Variants in PLXND1 observed in about 807,000 individuals in gnomAD.
The protein encoded by PLXND1 is plexin D1, also known as plexin-D1.
In PLXND1, 54 loss-of-function variants were observed where a neutral mutation model predicts 197.7. That is an observed-to-expected ratio of 0.27 (90% CI 0.22 to 0.34). The LOEUF is 0.34. Among genes scored for constraint, PLXND1 ranks in the 10% least tolerant of loss-of-function variants. The probability of loss-of-function intolerance (pLI) is 1.00; values close to 1 mark genes in which losing one functional copy is unlikely to be tolerated. For missense variants in PLXND1, 2,127 were observed against 2,699.2 expected (o/e 0.79, Z 4.70); for synonymous variants, 1,180 against 1,161.2 (o/e 1.02, Z -0.33).
chr3:129,605,608 C>T lies in PLXND1; in HGVS notation c.1032G>A (p.Gln344=). 1.3e-6 allele frequency: 2 copies of T among 1,536,154 alleles called. No homozygotes were observed. Among genetic ancestry groups the T allele is most frequent in the Non-Finnish European group, 1.7e-6 (2 of 1,145,132 alleles). Residue 344 remains glutamine, a synonymous_variant, in exon 1 of 36, where the codon CAG becomes CAA. Coordinates refer to ENST00000324093, the MANE Select transcript of PLXND1 (RefSeq NM_015103.3). ...LTESYIQLGL[Q]CAGGAGRGDL... Reference sequence around the variant, plus strand: ...CGCCGCGGCCCGCGCCGCCCGCGCACTGCAAGCCCAACTGGATGTAGGACT... The same window carrying T: ...CGCCGCGGCCCGCGCCGCCCGCGCATTGCAAGCCCAACTGGATGTAGGACT...
In PLXND1 at chr3:129,573,578, C is replaced by T. The variant is rs201182714; in HGVS notation, c.2837+16G>A. On this transcript the variant is annotated intron_variant, in intron 13 of 35. Coordinates refer to ENST00000324093, the MANE Select transcript of PLXND1 (RefSeq NM_015103.3). Reference sequence around the variant, plus strand: ...CACTGCTGGAGAAGGTAGGTGGGGGCACCGTGGCTACTCACTCCTCCGACA... The same window carrying T: ...CACTGCTGGAGAAGGTAGGTGGGGGTACCGTGGCTACTCACTCCTCCGACA... 2.7e-5 allele frequency: 43 copies of T among 1,608,458 alleles called. No individual in the cohort carries two copies. The East Asian group carries it at 8.5e-4, about 32-fold the overall frequency.
intron 8 of PLXND1, among the ~76,000 whole-genome samples, chr3:129,581,269 C>T (rs1269496749): frequency 6.6e-6 from 1 of 152,208 alleles, no homozygotes. Context: ...CCTGCACGCC[C>T]GGGGCAGAGC....
intron 21 of PLXND1, 39 bp downstream of exon 21, chr3:129,567,659 A>T (rs764195107): frequency 6.3e-7 from 1 of 1,575,896 alleles, no homozygotes; most frequent in Non-Finnish European, 8.7e-7. Context: ...CCTAGGAGGG[A>T]AAGTTGAGGC....
rs528344773 is a variant in PLXND1 at position 129,586,345 on chromosome 3, T to A, written c.1621-73A>T. 178 of 1,238,396 alleles carry A rather than the reference T, an allele frequency of 1.4e-4. 1 individual carries two copies. The highest frequency in any genetic ancestry group is 1.6e-4 in the Non-Finnish European group (138 of 883,456). The allele number at this position is 1,238,396 out of a possible 1,614,324, so 76.7% of individuals were successfully genotyped here. A position where few individuals can be genotyped will look rare whatever the true frequency, so the allele number is the denominator to read the frequency against. On this transcript the variant is annotated intron_variant, in intron 3 of 35. Coordinates refer to ENST00000324093, the MANE Select transcript of PLXND1 (RefSeq NM_015103.3). Reference sequence around the variant, plus strand: ...CCTTGGGGAGGTGGTACGGTCAGCATGGTGCGGGCCATGAGAGGCTGGGGA... The same window carrying A: ...CCTTGGGGAGGTGGTACGGTCAGCAAGGTGCGGGCCATGAGAGGCTGGGGA...
At position 129,572,625 on chromosome 3, in the gene PLXND1, G is replaced by C. The variant is rs773316907; in HGVS notation, c.3061C>G (p.Pro1021Ala). The change falls in exon 15 of 36, where the codon CCC becomes GCC. Residue 1021 changes from proline to alanine, a missense_variant. Transcript: ENST00000324093. ...ELQVLVNDTD[P>A]CTELMRTDTS... ...GAGGCTTACATCAGCTCCGTGCAGGGGTCTGTGTCGTTCACCAGGACCTGG... is the reference window on the plus strand; with the variant it reads ...GAGGCTTACATCAGCTCCGTGCAGGCGTCTGTGTCGTTCACCAGGACCTGG... 3 of 1,579,726 alleles carry C rather than the reference G, an allele frequency of 1.9e-6. No individual in the cohort carries two copies. Among genetic ancestry groups the C allele is most frequent in the Admixed American group, 1.8e-5 (1 of 56,364 alleles).
chr3:129,605,244 C>T, intron 1 of PLXND1, 85 bp downstream of exon 1: 1 of 572,042 alleles, frequency 1.7e-6, no homozygotes, highest in South Asian at 6.4e-5. Context: ...ACCCACTCAG[C>T]TCACGACCCG....
Position 129,574,386 on chromosome 3 carries a change from C to T in PLXND1, c.2635G>A (p.Gly879Arg), listed in dbSNP as rs769515971. 1.9e-6 allele frequency: 3 copies of T among 1,611,670 alleles called. No homozygotes were observed. The highest frequency in any genetic ancestry group is 1.7e-5 in the Admixed American group (1 of 59,900). The change falls in exon 12 of 36, where the codon GGG becomes AGG. Residue 879 changes from glycine to arginine, a missense_variant. Physicochemically the swap from Gly to Arg is moderately radical, Grantham distance 125 (BLOSUM62 -2). This residue lies in a region of PLXND1 where 1,095 missense variants were observed against 1,259.8 expected (regional missense o/e 0.87). Coordinates refer to ENST00000324093, the MANE Select transcript of PLXND1 (RefSeq NM_015103.3). ...CMWSDGCRLR[G>R]PLQPMAGTCP... ...GTGCCAGCCATGGGCTGCAGAGGCC[C>T]CCGCAGGCGGCAGCCATCACTCCAC...
At chr3:129,572,220 A>T (rs2085244886) in intron 15 of PLXND1, among the ~76,000 whole-genome samples, 1 of 152,238 alleles carries the variant, frequency 6.6e-6, no homozygotes, top group South Asian at 2.1e-4. Flanking sequence ...TGTCCCAGCA[A>T]TGCCCATTAG....
chr3:129,594,881 A>C (rs1295162258), intron 1 of PLXND1, among the ~76,000 whole-genome samples: 2 of 151,250 alleles, frequency 1.3e-5, no homozygotes, highest in African/African-American at 4.9e-5. Flanking sequence ...AAAAAAAAAA[A>C]CCCCGCAAAG....
rs369509884 is a variant in PLXND1 at position 129,556,442 on chromosome 3, C to T, written c.5662-14G>A. On this transcript the variant is annotated splice_polypyrimidine_tract_variant and intron_variant, in intron 35 of 35. Transcript: ENST00000324093. ...CGCGGCCATGATCTGAGGGGAGCAG[C>T]GGAGTCAGCCGGGCCATGGCCGGTA... The T allele has an allele frequency of 2.4e-5, 38 of 1,596,930 alleles. No homozygotes were observed. Among genetic ancestry groups the T allele is most frequent in the South Asian group, 2.0e-4 (18 of 90,690 alleles).
chr3:129,595,192 A>T (rs985208749), intron 1 of PLXND1, among the ~76,000 whole-genome samples: 14 of 152,326 alleles, frequency 9.2e-5, no homozygotes, highest in African/African-American at 3.1e-4. Flanking sequence ...CAGGGTATGA[A>T]GCCACACCTG....
rs2085229198 is a variant in PLXND1 at position 129,571,537 on chromosome 3, G to A, written c.3308C>T (p.Ala1103Val). ...GGGCTCCCGGCCAATGTGGTGGACGGCCATGGACACATTCTGCACCATGTG... is the reference window on the plus strand; with the variant it reads ...GGGCTCCCGGCCAATGTGGTGGACGACCATGGACACATTCTGCACCATGTG... ...RFHMVQNVSMAVHHIGREPTL... is the reference protein window; with the variant it reads ...RFHMVQNVSMVVHHIGREPTL... The change falls in exon 17 of 36, where the codon GCC (alanine) becomes GTC (valine). Residue 1103 changes from alanine (A) to valine (V), a missense_variant. Transcript: ENST00000324093. The A allele has an allele frequency of 6.2e-7, 1 of 1,613,552 alleles. No individual in the cohort carries two copies. The highest frequency in any genetic ancestry group is 1.7e-5 in the Admixed American group (1 of 60,008).
chr3:129,575,453 G>C lies in PLXND1; in HGVS notation c.2530+16C>G. Reference sequence around the variant, plus strand: ...CTGAGGCCCCGAGGCCATGTGGGGCGGGTGGGGGTGCCCACCTGTCATGGG... The same window carrying C: ...CTGAGGCCCCGAGGCCATGTGGGGCCGGTGGGGGTGCCCACCTGTCATGGG... On this transcript the variant is annotated intron_variant, in intron 11 of 35. Coordinates refer to ENST00000324093, the MANE Select transcript of PLXND1 (RefSeq NM_015103.3). 1 of 1,502,292 alleles carries C rather than the reference G, an allele frequency of 6.7e-7. No homozygotes were observed. The highest frequency in any genetic ancestry group is 9.1e-7 in the Non-Finnish European group (1 of 1,102,138). The allele number at this position is 1,502,292 out of a possible 1,614,324, so 93.1% of individuals were successfully genotyped here.
chr3:129,589,307 G>GCCGGGCCCCCCCCCCCC, intron 2 of PLXND1, 44 bp downstream of exon 2: 3 of 684,690 alleles, frequency 4.4e-6, no homozygotes, highest in Admixed American at 2.3e-5. Context: ...TCCCAGGGGA[G>GCCGGGCCCCCCCCCCCC]CCTCCCACCC....
At chr3:129,565,615 A>T in intron 24 of PLXND1, 77 bp from the exon 25 acceptor site, 2 of 1,293,796 alleles carry the variant, frequency 1.5e-6, no homozygotes, top group Middle Eastern at 2.1e-4. Flanking sequence ...GTGCCGCCTC[A>T]TCCCCGGGCC....
intron 1 of PLXND1, among the ~76,000 whole-genome samples, chr3:129,589,852 C>T (rs1272967484): frequency 1.3e-5 from 2 of 152,140 alleles, no homozygotes; most frequent in Non-Finnish European, 2.9e-5. Flanking sequence ...ACCCGCACCC[C>T]CTTGGGGCTG....
chr3:129,580,128 CA>C (rs935512033), intron 8 of PLXND1, among the ~76,000 whole-genome samples: 1 of 152,198 alleles, frequency 6.6e-6, no homozygotes, highest in Non-Finnish European at 1.5e-5. Flanking sequence ...AGTTTGCCTA[CA>C]GTGGAATGAG....
At chr3:129,592,927 C>T (rs749745790) in intron 1 of PLXND1, among the ~76,000 whole-genome samples, 1 of 152,118 alleles carries the variant, frequency 6.6e-6, no homozygotes, top group Non-Finnish European at 1.5e-5. Flanking sequence ...GGGGACTAGA[C>T]GTCCTGAGCA....
rs996663216 is a variant in PLXND1 at position 129,558,996 on chromosome 3, G to A, written c.5298-421C>T. Among the ~76,000 whole-genome samples, 2 of 152,172 alleles carry A rather than the reference G, an allele frequency of 1.3e-5. No individual in the cohort carries two copies. The highest frequency in any genetic ancestry group is 4.8e-5 in the African/African-American group (2 of 41,440). ...CTCTGGCCTTGTCCTCAAGAGGCCA[G>A]AGAGGGTGAGCAACACCCCCACCCC... On this transcript the variant is annotated intron_variant, in intron 32 of 35. Coordinates refer to ENST00000324093, the MANE Select transcript of PLXND1 (RefSeq NM_015103.3). This position sits in a 1 kb window ranked among gnomAD's most constrained non-coding sequence, Gnocchi z 4.1.
Sources: gnomAD v4.1 joint callset for allele counts (sites outside exome capture counted in the v4.1 genomes callset) on GRCh38, gnomAD v4.1.1 for gene constraint, gnomAD v4.1.1 regional missense constraint, Gnocchi (gnomAD v3.1) non-coding constraint, MANE v1.5 for transcripts, NCBI Gene and HGNC (gene_info 2026-07-23, HGNC 2026-07-21) for gene names.